The following SPAG16 variants were observed in gnomAD, a reference collection of about 807,000 sequenced individuals.
The protein encoded by SPAG16 is sperm associated antigen 16.
A neutral mutation model predicts 80.4 loss-of-function variants in SPAG16; 86 were observed. The observed-to-expected ratio is 1.07, with a 90% confidence interval of 0.90 to 1.28. The LOEUF (loss-of-function observed/expected upper bound fraction) is 1.28. SPAG16 is among the 50% of genes most tolerant of loss of function. The probability of loss-of-function intolerance (pLI) is 0.00; values close to 1 mark genes in which losing one functional copy is unlikely to be tolerated. For missense variants in SPAG16, 870 were observed against 765.3 expected (o/e 1.14, Z -1.61); for synonymous variants, 294 against 265.9 (o/e 1.11, Z -1.03).
chr2:213,476,253 AC>A (rs1446041070), intron 9 of SPAG16, among the ~76,000 whole-genome samples: 1 of 152,244 alleles, frequency 6.6e-6, no homozygotes, highest in Non-Finnish European at 1.5e-5. Context: ...TTGGTGCAAC[AC>A]CTGAACAGGC....
intron 11 of SPAG16, among the ~76,000 whole-genome samples, chr2:213,882,372 G>T (rs2076377212): frequency 6.6e-6 from 1 of 152,174 alleles, no homozygotes; most frequent in South Asian, 2.1e-4. Flanking sequence ...GCAGCACCTG[G>T]TCCTCAATTT....
At chr2:214,208,047 A>G (rs2058194510) in intron 15 of SPAG16, among the ~76,000 whole-genome samples, 1 of 152,178 alleles carries the variant, frequency 6.6e-6, no homozygotes, top group Admixed American at 6.5e-5. Flanking sequence ...CTCAGTTTGC[A>G]GACTGCTTAT....
rs1415903719 is a variant in SPAG16 at position 213,681,905 on chromosome 2, T to A, written c.1071-180580T>A. Reference sequence around the variant, plus strand: ...CAAACTAAAGATGTGAAGTTTTCTTTCTTAATATTTCTCTCTTCCTTTGAA... The same window carrying A: ...CAAACTAAAGATGTGAAGTTTTCTTACTTAATATTTCTCTCTTCCTTTGAA... On this transcript the variant is annotated intron_variant, in intron 10 of 15. Transcript: ENST00000331683. Among the ~76,000 whole-genome samples the A allele has an allele frequency of 2.0e-5, 3 of 152,216 alleles. No homozygotes were observed. The East Asian group carries it at 5.8e-4, about 29-fold the overall frequency.
At chr2:213,449,145 C>CT (rs1444003055) in intron 9 of SPAG16, among the ~76,000 whole-genome samples, 1 of 152,096 alleles carries the variant, frequency 6.6e-6, no homozygotes, top group Non-Finnish European at 1.5e-5. Context: ...GAGATAAGGA[C>CT]TGAAATACTC....
At chr2:213,871,221 T>C (rs2105986056) in intron 11 of SPAG16, among the ~76,000 whole-genome samples, 1 of 152,176 alleles carries the variant, frequency 6.6e-6, no homozygotes, top group African/African-American at 2.4e-5. Context: ...AACCCAATAA[T>C]AGAAGCACTT....
chr2:213,677,223 A>C (rs1477954278), intron 10 of SPAG16, among the ~76,000 whole-genome samples: 2 of 152,156 alleles, frequency 1.3e-5, no homozygotes, highest in Non-Finnish European at 1.5e-5. Flanking sequence ...TGAGCAAAAT[A>C]ACCAGCTAAC....
intron 12 of SPAG16, among the ~76,000 whole-genome samples, chr2:213,942,053 G>C (rs1020377740): frequency 1.3e-5 from 2 of 151,914 alleles, no homozygotes; most frequent in African/African-American, 4.8e-5. Flanking sequence ...TTTTGCCCTT[G>C]ATAATAGCCT....
At chr2:213,861,497 T>A (rs1410840405) in intron 10 of SPAG16, among the ~76,000 whole-genome samples, 2 of 152,202 alleles carry the variant, frequency 1.3e-5, no homozygotes, top group Non-Finnish European at 1.5e-5. Flanking sequence ...AATCATCATA[T>A]GTCTTACCGC....
intron 13 of SPAG16, among the ~76,000 whole-genome samples, chr2:214,030,028 G>A (rs1471467668): frequency 6.6e-6 from 1 of 152,054 alleles, no homozygotes; most frequent in Admixed American, 6.6e-5. Context: ...AATTTTAAGT[G>A]CACAATACTA....
intron 15 of SPAG16, among the ~76,000 whole-genome samples, chr2:214,278,106 G>A (rs947798187): frequency 6.6e-5 from 10 of 152,274 alleles, no homozygotes; most frequent in South Asian, 6.2e-4. Context: ...TTCTGTGGGC[G>A]TGGGACCCAC....
intron 9 of SPAG16, among the ~76,000 whole-genome samples, chr2:213,384,677 G>T (rs978059441): frequency 2.6e-5 from 4 of 152,114 alleles, no homozygotes; most frequent in Admixed American, 6.5e-5. Context: ...AACTTCTTTC[G>T]TCAGGAAGTT....
chr2:214,052,417 G>A (rs529130673), intron 13 of SPAG16, among the ~76,000 whole-genome samples: 4 of 152,254 alleles, frequency 2.6e-5, no homozygotes, highest in East Asian at 1.9e-4. Context: ...AGTTACAAAC[G>A]AAAGAGACAC....
chr2:213,420,661 T>C lies in SPAG16; in HGVS notation c.942+45542T>C, dbSNP rs555817491. On this transcript the variant is annotated intron_variant, in intron 9 of 15. Transcript: ENST00000331683. ...TTTAACCATGGTTTATTCTGTGTTA[T>C]GTAAAATTCTTATAGTTCTTTTAAT... Among the ~76,000 whole-genome samples, 162 of 152,354 alleles carry C rather than the reference T, an allele frequency of 1.1e-3. 2 individuals carry two copies. The highest frequency in any genetic ancestry group is 3.7e-3 in the African/African-American group (154 of 41,588).
intron 9 of SPAG16, among the ~76,000 whole-genome samples, chr2:213,420,840 A>C (rs1041964276): frequency 1.3e-5 from 2 of 152,226 alleles, no homozygotes; most frequent in Non-Finnish European, 2.9e-5. Flanking sequence ...AATACCCATC[A>C]TGCATGTTCA....
At chr2:214,078,030 G>A (rs1348718433) in intron 13 of SPAG16, among the ~76,000 whole-genome samples, 1 of 152,050 alleles carries the variant, frequency 6.6e-6, no homozygotes, top group Non-Finnish European at 1.5e-5. Context: ...TCTCTTTTCT[G>A]GGGAACTCAG....
chr2:214,123,366 A>G (rs571497651), intron 14 of SPAG16, among the ~76,000 whole-genome samples: 2 of 152,116 alleles, frequency 1.3e-5, no homozygotes, highest in African/African-American at 4.8e-5. Context: ...CAACATAATT[A>G]TGTCATATTT....
chr2:213,977,905 T>C (rs2045502000), intron 12 of SPAG16, among the ~76,000 whole-genome samples: 1 of 152,092 alleles, frequency 6.6e-6, no homozygotes, highest in Non-Finnish European at 1.5e-5. Flanking sequence ...ATCTTTTCTA[T>C]ATAAGCCTCT....
At chr2:214,340,804 C>T (rs1697629089) in intron 15 of SPAG16, among the ~76,000 whole-genome samples, 1 of 152,170 alleles carries the variant, frequency 6.6e-6, no homozygotes, top group Non-Finnish European at 1.5e-5. Flanking sequence ...GCTCACTCCA[C>T]ATCCACCCTC....
intron 11 of SPAG16, among the ~76,000 whole-genome samples, chr2:213,908,942 A>G (rs187141423): frequency 6.7e-6 from 1 of 148,630 alleles, no homozygotes; most frequent in African/African-American, 2.5e-5. Flanking sequence ...ACCACACAAC[A>G]GTCCCCAGAG....
Sources: gnomAD v4.1 joint callset for allele counts (sites outside exome capture counted in the v4.1 genomes callset) on GRCh38, gnomAD v4.1.1 for gene constraint, MANE v1.5 for transcripts, NCBI Gene and HGNC (gene_info 2026-07-23, HGNC 2026-07-21) for gene names.